The following ANO5 variants were observed in gnomAD, a reference collection of about 807,000 sequenced individuals.
The protein encoded by ANO5 is anoctamin 5, also known as anoctamin-5.
A neutral mutation model predicts 121.0 loss-of-function variants in ANO5; 109 were observed. The ratio of observed to expected loss-of-function variants is 0.90; its 90% confidence interval spans 0.77 to 1.06. The LOEUF (loss-of-function observed/expected upper bound fraction) is 1.06, where lower values mean the gene tolerates loss of function less well. Ranked by LOEUF, ANO5 falls within the 50% of genes least tolerant of loss-of-function variation. The pLI is 0.00. For missense variants in ANO5, 1,064 were observed against 1,078.5 expected (o/e 0.99, Z 0.19); for synonymous variants, 406 against 359.9 (o/e 1.13, Z -1.45).
At chr11:22,251,082 T>C in intron 12 of ANO5, 71 bp downstream of exon 12, 5 of 1,402,848 alleles carry the variant, frequency 3.6e-6, no homozygotes, top group Non-Finnish European at 5.0e-6. Flanking sequence ...ATATAACATA[T>C]GACAGATGAA....
intron 8 of ANO5, among the ~76,000 whole-genome samples, chr11:22,236,935 C>T (rs1439598019): frequency 3.3e-5 from 5 of 152,124 alleles, no homozygotes; most frequent in Admixed American, 6.5e-5. Flanking sequence ...TGACATTTTA[C>T]GTGATTCACC....
At chr11:22,218,406 C>A in intron 4 of ANO5, 119 bp downstream of exon 4, 1 of 1,306,708 alleles carries the variant, frequency 7.7e-7, no homozygotes. Context: ...TTCCTAGTCC[C>A]CAGGCAACTG....
Position 22,261,046 on chromosome 11 carries a change from C to T in ANO5, c.1631-1083C>T, listed in dbSNP as rs544714373. ...AATTCTGTTGGAAATCATCCCTGCCCTTGACATGAGCTTACTTTCTTTAAA... is the reference window on the plus strand; with the variant it reads ...AATTCTGTTGGAAATCATCCCTGCCTTTGACATGAGCTTACTTTCTTTAAA... On this transcript the variant is annotated intron_variant, in intron 15 of 21. Coordinates refer to ENST00000324559, the MANE Select transcript of ANO5 (RefSeq NM_213599.3). Among the ~76,000 whole-genome samples the T allele has an allele frequency of 6.6e-5, 10 of 152,252 alleles. No homozygotes were observed. The South Asian group carries it at 1.2e-3, about 19-fold the overall frequency.
chr11:22,260,397 C>T (rs1036772384), intron 15 of ANO5, among the ~76,000 whole-genome samples: 4 of 152,170 alleles, frequency 2.6e-5, no homozygotes, highest in African/African-American at 9.6e-5. Flanking sequence ...TGAGTGTTCT[C>T]TCCAGGGTTC....
At chr11:22,247,470 A>T (rs558300392) in intron 9 of ANO5, among the ~76,000 whole-genome samples, 1 of 152,288 alleles carries the variant, frequency 6.6e-6, no homozygotes, top group South Asian at 2.1e-4. Context: ...TAAATTTTGG[A>T]GGTCTTTTCA....
At chr11:22,223,556 A>C (rs1195766039) in intron 5 of ANO5, among the ~76,000 whole-genome samples, 1 of 152,052 alleles carries the variant, frequency 6.6e-6, no homozygotes, top group Non-Finnish European at 1.5e-5. Flanking sequence ...CAGTATAGGC[A>C]AAATGAGCCA....
intron 17 of ANO5, among the ~76,000 whole-genome samples, chr11:22,265,061 T>C (rs948419233): frequency 2.6e-5 from 4 of 152,152 alleles, no homozygotes; most frequent in African/African-American, 9.7e-5. Context: ...AGGTAATTGC[T>C]GAACATTTTT....
rs779009185 is a variant in ANO5, at chr11:22,257,677, C to T, written c.1333-3C>T. ...TTTCTTTGTGATTTCTTCAATATTA[C>T]AGGAGATGGAACCTTACATGCCTCT... On this transcript the variant is annotated splice_region_variant and splice_polypyrimidine_tract_variant and intron_variant, in intron 13 of 21. Coordinates refer to ENST00000324559, the MANE Select transcript of ANO5 (RefSeq NM_213599.3). 2 of 1,605,974 alleles carry T rather than the reference C, an allele frequency of 1.2e-6. No individual in the cohort carries two copies. Among genetic ancestry groups the T allele is most frequent in the Non-Finnish European group, 1.7e-6 (2 of 1,172,908 alleles).
Position 22,193,225 on chromosome 11 carries a change from G to A in ANO5, c.-268G>A, listed in dbSNP as rs556931327. 9 of 1,094,188 alleles carry A rather than the reference G, an allele frequency of 8.2e-6. No individual in the cohort carries two copies. The East Asian group carries it at 3.7e-4, about 45-fold the overall frequency. 67.8% of individuals were successfully genotyped at this position (1,094,188 alleles called of 1,614,324 possible). ...TGAGGGTGGGGAAGCGCAGGGCCAA[G>A]CGCGCGAAGCAGGTTGTGGGGGACC... On this transcript the variant is annotated 5_prime_UTR_variant, in exon 1 of 22. Transcript: ENST00000324559.
intron 15 of ANO5, among the ~76,000 whole-genome samples, chr11:22,261,890 C>G (rs1455123006): frequency 1.3e-5 from 2 of 152,174 alleles, no homozygotes; most frequent in East Asian, 3.9e-4. Context: ...AATGCTGTCT[C>G]TCTGACTGTG....
chr11:22,248,959 A>T (rs1853709271), intron 9 of ANO5, among the ~76,000 whole-genome samples: 1 of 152,078 alleles, frequency 6.6e-6, no homozygotes. Flanking sequence ...ATGTACTATT[A>T]CAATAATTTC....
At chr11:22,229,949 C>G (rs1410852722) in intron 7 of ANO5, among the ~76,000 whole-genome samples, 1 of 151,922 alleles carries the variant, frequency 6.6e-6, no homozygotes, top group Non-Finnish European at 1.5e-5. Context: ...GAGCATCTTA[C>G]ATTAATATAG....
chr11:22,255,966 T>C (rs1383578473), intron 13 of ANO5, among the ~76,000 whole-genome samples: 1 of 152,172 alleles, frequency 6.6e-6, no homozygotes, highest in Non-Finnish European at 1.5e-5. Flanking sequence ...AAGTGATATA[T>C]AAAAATTAAA....
Position 22,250,603 on chromosome 11 carries a change from C to T in ANO5, c.1014-138C>T, listed in dbSNP as rs1331989361. 9 of 1,035,996 alleles carry T rather than the reference C, an allele frequency of 8.7e-6. No homozygotes were observed. In the Admixed American group the frequency reaches 1.4e-4, roughly 16 times the overall value. The allele number at this position is 1,035,996 out of a possible 1,614,324, so 64.2% of individuals were successfully genotyped here. A position where few individuals can be genotyped will look rare whatever the true frequency, so the allele number is the denominator to read the frequency against. ...CTCTACTCCTCAAAGCATGACTTGA[C>T]CCACTATAGAAATTGCTGCTTGATT... On this transcript the variant is annotated intron_variant, in intron 10 of 21. Transcript: ENST00000324559.
chr11:22,260,890 C>T (rs1854166098), intron 15 of ANO5, among the ~76,000 whole-genome samples: 4 of 152,126 alleles, frequency 2.6e-5, no homozygotes, highest in Admixed American at 2.6e-4. Context: ...CTTTAGAATT[C>T]ATTAAATGAC....
At chr11:22,255,336 T>A in intron 12 of ANO5, 35 bp from the exon 13 acceptor site, 2 of 1,499,176 alleles carry the variant, frequency 1.3e-6, no homozygotes, top group Non-Finnish European at 1.8e-6. Context: ...TTAACTTTTT[T>A]AATATCTTTT....
chr11:22,268,069 CTTAA>C (rs1348435527), intron 17 of ANO5, among the ~76,000 whole-genome samples: 1 of 152,122 alleles, frequency 6.6e-6, no homozygotes, highest in Admixed American at 6.5e-5. Context: ...ACTACAATCT[CTTAA>C]TTAATATAGC....
At chr11:22,202,671 T>C (rs1851999873) in intron 1 of ANO5, among the ~76,000 whole-genome samples, 2 of 152,142 alleles carry the variant, frequency 1.3e-5, no homozygotes, top group African/African-American at 4.8e-5. Context: ...TGGAATCTCT[T>C]TAATAAGGGC....
At chr11:22,202,692 T>C (rs1852000350) in intron 1 of ANO5, among the ~76,000 whole-genome samples, 1 of 152,148 alleles carries the variant, frequency 6.6e-6, no homozygotes, top group African/African-American at 2.4e-5. Context: ...TCTAATCCCA[T>C]TCATAAGAGC....
Sources: allele counts gnomAD v4.1 joint callset (sites outside exome capture counted in the v4.1 genomes callset), GRCh38; gene constraint gnomAD v4.1.1; transcripts MANE v1.5; gene names NCBI Gene and HGNC (gene_info 2026-07-23, HGNC 2026-07-21).